CCSER2: variants seen among roughly 807,000 people sequenced by gnomAD.
CCSER2 encodes the protein serine-rich coiled-coil domain-containing protein 2.
A neutral mutation model predicts 92.3 loss-of-function variants in CCSER2; 46 were observed. The ratio of observed to expected loss-of-function variants is 0.50; its 90% CI spans 0.39 to 0.64. The LOEUF (loss-of-function observed/expected upper bound fraction) is 0.64, where lower values mean the gene tolerates loss of function less well. Ranked by LOEUF, CCSER2 falls within the 30% of genes least tolerant of loss-of-function variation. CCSER2 has a pLI of 0.00. For synonymous variants in CCSER2, 433 were observed against 431.4 expected (o/e 1.00, Z -0.04); for missense variants, 1,244 against 1,238.9 (o/e 1.00, Z -0.06).
At chr10:84,465,342 TTA>T (rs1491569986) in intron 7 of CCSER2, among the ~76,000 whole-genome samples, 2 of 136,116 alleles carry the variant, frequency 1.5e-5, no homozygotes, top group Non-Finnish European at 3.1e-5. Context: ...TTTTTTTTTT[TTA>T]GACGGAGCCT....
intron 3 of CCSER2, among the ~76,000 whole-genome samples, chr10:84,416,547 T>C (rs1173203073): frequency 1.3e-5 from 2 of 152,200 alleles, no homozygotes; most frequent in African/African-American, 4.8e-5. Flanking sequence ...AACACAAAAT[T>C]GAATGTATTT....
intron 3 of CCSER2, among the ~76,000 whole-genome samples, chr10:84,382,185 G>A (rs1034364157): frequency 6.6e-6 from 1 of 152,102 alleles, no homozygotes; most frequent in Non-Finnish European, 1.5e-5. Context: ...TTTTGGGAGT[G>A]GGCTTGGGGA....
chr10:84,418,941 C>T (rs1252114981), intron 4 of CCSER2, among the ~76,000 whole-genome samples: 1 of 152,102 alleles, frequency 6.6e-6, no homozygotes, highest in Non-Finnish European at 1.5e-5. Context: ...GTTGTTCTCA[C>T]GACAGCAGAA....
At chr10:84,405,049 AG>A (rs1374464921) in intron 3 of CCSER2, among the ~76,000 whole-genome samples, 1 of 152,200 alleles carries the variant, frequency 6.6e-6, no homozygotes, top group Non-Finnish European at 1.5e-5. Flanking sequence ...AGCAGAACAA[AG>A]CTGGAGGAAT....
chr10:84,394,382 AGTATGTGTGTGT>A lies in CCSER2; in HGVS notation c.1614+20570_1614+20581del, dbSNP rs1221288525. On this transcript the variant is annotated intron_variant, in intron 3 of 9. Coordinates refer to ENST00000372088, the MANE Select transcript of CCSER2 (RefSeq NM_001284240.2). ...TATGCTCTTGAAATAACAAAAGGAA[AGTATGTGTGTGT>A]GTGTGTGTGTGTGTGTGTGTGTGTG... Among the ~76,000 whole-genome samples the A allele has an allele frequency of 5.0e-3, 457 of 91,266 alleles. 2 individuals carry two copies. The highest frequency in any genetic ancestry group is 0.013 in the South Asian group (27 of 2,044). 59.9% of individuals were successfully genotyped at this position (91,266 alleles called of 152,430 possible). A position where few individuals can be genotyped will look rare whatever the true frequency, so the allele number is the denominator to read the frequency against.
intron 3 of CCSER2, among the ~76,000 whole-genome samples, chr10:84,415,083 A>G (rs1430088671): frequency 6.6e-6 from 1 of 152,146 alleles, no homozygotes; most frequent in Non-Finnish European, 1.5e-5. Context: ...TGCATTGGGT[A>G]ATAACATGCT....
chr10:84,440,539 CA>C (rs1417355214), intron 6 of CCSER2, among the ~76,000 whole-genome samples: 2 of 152,202 alleles, frequency 1.3e-5, no homozygotes, highest in African/African-American at 4.8e-5. Context: ...CCACCTCAGT[CA>C]ACCTGTTCTC....
At chr10:84,458,861 A>AT (rs369996108) in intron 6 of CCSER2, among the ~76,000 whole-genome samples, 6 of 150,856 alleles carry the variant, frequency 4.0e-5, no homozygotes, top group Non-Finnish European at 7.4e-5. Flanking sequence ...GTTATTTTGG[A>AT]TTTTTTTCCC....
chr10:84,404,889 C>G (rs1272408476), intron 3 of CCSER2, among the ~76,000 whole-genome samples: 2 of 152,052 alleles, frequency 1.3e-5, no homozygotes, highest in East Asian at 3.9e-4. Context: ...TACAGAAGAT[C>G]TAAATAAAAA....
At chr10:84,385,273 A>C (rs969509675) in intron 3 of CCSER2, among the ~76,000 whole-genome samples, 1 of 152,166 alleles carries the variant, frequency 6.6e-6, no homozygotes, top group Non-Finnish European at 1.5e-5. Context: ...TTCAAGTGGA[A>C]CCAAAAAAAC....
At chr10:84,458,626 T>A (rs1204016692) in intron 6 of CCSER2, among the ~76,000 whole-genome samples, 2 of 152,220 alleles carry the variant, frequency 1.3e-5, no homozygotes, top group Admixed American at 6.5e-5. Flanking sequence ...GGAAGAGAAT[T>A]GATATCTCAA....
chr10:84,440,257 G>A (rs1282416693), intron 6 of CCSER2, among the ~76,000 whole-genome samples: 2 of 152,006 alleles, frequency 1.3e-5, no homozygotes, highest in Admixed American at 1.3e-4. Flanking sequence ...ACTACACACG[G>A]GTAAAATTGA....
At chr10:84,353,084 G>C (rs1313085864) in intron 1 of CCSER2, among the ~76,000 whole-genome samples, 1 of 152,158 alleles carries the variant, frequency 6.6e-6, no homozygotes, top group African/African-American at 2.4e-5. Context: ...GAGCCACCGC[G>C]CCCAGCCTAA....
At chr10:84,364,172 TGAATGTGAAGGCCTAA>T (rs1425079064) in intron 1 of CCSER2, among the ~76,000 whole-genome samples, 17 of 151,828 alleles carry the variant, frequency 1.1e-4, no homozygotes, top group Admixed American at 4.6e-4. Flanking sequence ...GAGTGGTGAG[TGAATGTGAAGGCCTAA>T]GACATCATTG....
chr10:84,514,258 G>T lies in CCSER2; in HGVS notation c.3135G>T (p.Lys1045Asn). ...SNRYSRLPKP[K>N]IH ...GATATTCTCGTCTTCCTAAACCAAA[G>T]ATACATTAAGTACATAGCCATCACC... The change falls in exon 10 of 10, where the codon AAG becomes AAT. Residue 1045 changes from lysine (K) to asparagine (N), a missense_variant. Physicochemically the swap from Lys to Asn is moderately conservative, Grantham distance 94 (BLOSUM62 0). Transcript: ENST00000372088. 1 of 1,534,460 alleles carries T rather than the reference G, an allele frequency of 6.5e-7. No homozygotes were observed. The highest frequency in any genetic ancestry group is 8.7e-7 in the Non-Finnish European group (1 of 1,145,500).
chr10:84,413,716 A>T (rs747787738), intron 3 of CCSER2, among the ~76,000 whole-genome samples: 12 of 152,024 alleles, frequency 7.9e-5, no homozygotes, highest in Non-Finnish European at 1.8e-4. Flanking sequence ...TTCTGTCCTG[A>T]TGATCTTTCT....
In CCSER2 at chr10:84,425,875, GA is replaced by G; in HGVS notation, c.1855del (p.Ser619ValfsTer3). The G allele has an allele frequency of 6.2e-7, 1 of 1,600,924 alleles. No homozygotes were observed. The highest frequency in any genetic ancestry group is 8.5e-7 in the Non-Finnish European group (1 of 1,173,314). ...LSHPDHYHHH[G>X]KSDLSRGSPY... ...CACCCTGACCACTATCATCACCATGGAAAAAGTGACTTGAGCAGGTAAGTAC... is the reference window on the plus strand; with the variant it reads ...CACCCTGACCACTATCATCACCATGGAAAAGTGACTTGAGCAGGTAAGTAC... On this transcript the variant is annotated frameshift_variant, in exon 5 of 10. Transcript: ENST00000372088. LOFTEE classifies it high-confidence loss of function.
chr10:84,344,463 T>A (rs1005830259), intron 1 of CCSER2, among the ~76,000 whole-genome samples: 2 of 152,222 alleles, frequency 1.3e-5, no homozygotes, highest in African/African-American at 4.8e-5. Flanking sequence ...CTGATGAATT[T>A]AGGGGTTTAT....
chr10:84,459,419 G>T (rs1353934921), intron 6 of CCSER2, among the ~76,000 whole-genome samples: 2 of 152,068 alleles, frequency 1.3e-5, no homozygotes, highest in Admixed American at 1.3e-4. Flanking sequence ...ACTCCACTAT[G>T]ATATTGAATA....
Sources: gnomAD v4.1 joint callset for allele counts (sites outside exome capture counted in the v4.1 genomes callset) on GRCh38, gnomAD v4.1.1 for gene constraint, MANE v1.5 for transcripts, NCBI Gene and HGNC (gene_info 2026-07-23, HGNC 2026-07-21) for gene names.